AGPAT4: variants seen among roughly 807,000 people sequenced by gnomAD.
AGPAT4 encodes the protein 1-acyl-sn-glycerol-3-phosphate acyltransferase delta.
A neutral mutation model predicts 48.0 loss-of-function variants in AGPAT4; 15 were observed. The observed-to-expected ratio is 0.31, with a 90% CI of 0.21 to 0.48. The LOEUF (loss-of-function observed/expected upper bound fraction) is 0.48, where lower values mean the gene tolerates loss of function less well. Ranked by LOEUF, AGPAT4 falls within the 20% of genes least tolerant of loss-of-function variation. AGPAT4 has a pLI of 0.99. For synonymous variants in AGPAT4, 178 were observed against 198.7 expected (o/e 0.90, Z 0.88); for missense variants, 314 against 482.5 (o/e 0.65, Z 3.27).
In AGPAT4 at chr6:161,226,315, C is replaced by G. The variant is rs1191105519; in HGVS notation, c.178+5721G>C. On this transcript the variant is annotated intron_variant, in intron 2 of 8. Coordinates refer to ENST00000320285, the MANE Select transcript of AGPAT4 (RefSeq NM_020133.3). The surrounding 1 kb of genome is among the most constrained non-coding windows in gnomAD (Gnocchi z 6.3). ...CTGTTTGGAACTCAAAGAGTGAAAA[C>G]TCCTGCTTAGATTGAATTGAAATGA... 6.6e-6 allele frequency among the ~76,000 whole-genome samples: 1 copy of G among 152,194 alleles called. No individual in the cohort carries two copies. Among genetic ancestry groups the G allele is most frequent in the African/African-American group, 2.4e-5 (1 of 41,438 alleles).
intron 1 of AGPAT4, among the ~76,000 whole-genome samples, chr6:161,252,083 GT>G (rs1245224319): frequency 2.0e-5 from 3 of 152,150 alleles, no homozygotes; most frequent in Non-Finnish European, 4.4e-5. Flanking sequence ...TGGGTTAATG[GT>G]TATAACTCAA....
At position 161,220,026 on chromosome 6, in the gene AGPAT4, C is replaced by T. The variant is rs147675692; in HGVS notation, c.178+12010G>A. Among the ~76,000 whole-genome samples, 173 of 152,184 alleles carry T rather than the reference C, an allele frequency of 1.1e-3. 2 individuals are homozygous for T. In the Middle Eastern group the frequency reaches 0.031, roughly 27 times the overall value. ...GGATTATTACTCAAAATACACAAGG[C>T]TTGCTATCACAGTTACATTATTCCT... On this transcript the variant is annotated intron_variant, in intron 2 of 8. Coordinates refer to ENST00000320285, the MANE Select transcript of AGPAT4 (RefSeq NM_020133.3). The surrounding 1 kb of genome is among the most constrained non-coding windows in gnomAD (Gnocchi z 6.0).
chr6:161,150,732 T>C (rs1185815722), intron 5 of AGPAT4, among the ~76,000 whole-genome samples: 1 of 152,168 alleles, frequency 6.6e-6, no homozygotes, highest in East Asian at 1.9e-4. Flanking sequence ...AGTAGCTGCC[T>C]GGTCAGGGTG....
At chr6:161,194,619 C>CATGTGTGTATGTGTATGTGTGTATGTGT (rs562245885) in intron 2 of AGPAT4, among the ~76,000 whole-genome samples, 1 of 148,540 alleles carries the variant, frequency 6.7e-6, no homozygotes, top group East Asian at 1.9e-4. Context: ...TGTATGTGTA[C>CATGTGTGTATGTGTATGTGTGTATGTGT]ATGTGTGTAT....
At position 161,154,837 on chromosome 6, in the gene AGPAT4, G is replaced by T. The variant is rs1334405822; in HGVS notation, c.349-527C>A. 6.6e-6 allele frequency among the ~76,000 whole-genome samples: 1 copy of T among 152,222 alleles called. No individual in the cohort carries two copies. The highest frequency in any genetic ancestry group is 1.5e-5 in the Non-Finnish European group (1 of 68,044). ...TTAACATCCTTCTTGAACAGTGGTT[G>T]GCCAAAGATTCATTTGAATCCGATT... On this transcript the variant is annotated intron_variant, in intron 3 of 8. Coordinates refer to ENST00000320285, the MANE Select transcript of AGPAT4 (RefSeq NM_020133.3). The surrounding 1 kb of genome is among the most constrained non-coding windows in gnomAD (Gnocchi z 7.8).
In AGPAT4 at chr6:161,161,772, C is replaced by T; in HGVS notation, c.348+4476G>A. The T allele has an allele frequency of 3.2e-6, 1 of 315,512 alleles. No individual in the cohort carries two copies. The highest frequency in any genetic ancestry group is 2.8e-5 in the South Asian group (1 of 35,520). 19.5% of individuals were successfully genotyped at this position (315,512 alleles called of 1,614,324 possible). ...TCCTAGAGAAACCACACACAATCAA[C>T]ACTCACTGGACACGTATTTTGAAGG... is the stretch of plus-strand genomic sequence containing the variant. On this transcript the variant is annotated intron_variant, in intron 3 of 8. Coordinates refer to ENST00000320285, the MANE Select transcript of AGPAT4 (RefSeq NM_020133.3). The surrounding 1 kb of genome is among the most constrained non-coding windows in gnomAD (Gnocchi z 4.6).
chr6:161,183,929 C>A (rs907313234), intron 2 of AGPAT4, among the ~76,000 whole-genome samples: 2 of 151,056 alleles, frequency 1.3e-5, no homozygotes, highest in African/African-American at 2.4e-5. Flanking sequence ...TGGGCAAGGA[C>A]GAAGGGAAGG....
intron 2 of AGPAT4, among the ~76,000 whole-genome samples, chr6:161,181,503 CAG>C (rs1482506917): frequency 0.011 from 1,342 of 126,162 alleles, 58 homozygotes; most frequent in African/African-American, 0.038. Flanking sequence ...GTGGGGGTAG[CAG>C]GGGGCGGGGG....
chr6:161,263,601 A>C (rs1338496160), intron 1 of AGPAT4, among the ~76,000 whole-genome samples: 3 of 152,210 alleles, frequency 2.0e-5, no homozygotes, highest in Non-Finnish European at 2.9e-5. Context: ...GAATATAAAT[A>C]ATTAAAAGAA....
intron 5 of AGPAT4, among the ~76,000 whole-genome samples, chr6:161,151,854 G>A (rs1779600152): frequency 1.3e-5 from 2 of 152,204 alleles, no homozygotes; most frequent in Non-Finnish European, 2.9e-5. Context: ...GAGCAATGGG[G>A]GCATCCTTGG....
In AGPAT4 at chr6:161,130,727, A is replaced by C. The variant is rs1263271886; in HGVS notation, c.*5813T>G. On this transcript the variant is annotated 3_prime_UTR_variant, in exon 9 of 9. Transcript: ENST00000320285. ...CCTTGCTGTGTTTGCCTCAGATGCG[A>C]GTAAGGAAGCTCCAGTTGTAGCCTT... 3 of 413,798 alleles carry C rather than the reference A, an allele frequency of 7.2e-6. No individual in the cohort carries two copies. The East Asian group carries it at 1.8e-4, about 24-fold the overall frequency. The allele number at this position is 413,798 out of a possible 1,614,324, so 25.6% of individuals were successfully genotyped here.
intron 2 of AGPAT4, among the ~76,000 whole-genome samples, chr6:161,209,314 C>T (rs1284035523): frequency 6.6e-6 from 1 of 152,206 alleles, no homozygotes; most frequent in Non-Finnish European, 1.5e-5. Context: ...TCACCAACAG[C>T]TGTGACACTG....
At position 161,182,239 on chromosome 6, in the gene AGPAT4, C is replaced by T. The variant is rs370197436; in HGVS notation, c.179-15822G>A. On this transcript the variant is annotated intron_variant, in intron 2 of 8. Coordinates refer to ENST00000320285, the MANE Select transcript of AGPAT4 (RefSeq NM_020133.3). ...GCCTCTCACCCTATCCCCTCATCCC[C>T]GCACCTCATCCCAGCCTCTCACCCT... Among the ~76,000 whole-genome samples, 92 of 114,704 alleles carry T rather than the reference C, an allele frequency of 8.0e-4. 1 individual carries two copies. In the East Asian group the frequency reaches 0.024, roughly 29 times the overall value. The allele number at this position is 114,704 out of a possible 152,430, so 75.3% of individuals were successfully genotyped here.
At chr6:161,265,156 G>T (rs369511433) in intron 1 of AGPAT4, among the ~76,000 whole-genome samples, 2 of 144,890 alleles carry the variant, frequency 1.4e-5, no homozygotes, top group South Asian at 4.7e-4. Flanking sequence ...CCCACCGCTG[G>T]ACTGGGTGCT....
chr6:161,154,431 TC>T lies in AGPAT4; in HGVS notation c.349-122del. On this transcript the variant is annotated intron_variant, in intron 3 of 8. Transcript: ENST00000320285. This position sits in a 1 kb window ranked among gnomAD's most constrained non-coding sequence, Gnocchi z 7.8. ...GTTCACACCAGACGCCTCGGGACAGTCCCAGAACACATGCTGTCGAGGCCAT... is the reference window on the plus strand; with the variant it reads ...GTTCACACCAGACGCCTCGGGACAGTCCAGAACACATGCTGTCGAGGCCAT... 1 of 1,130,224 alleles carries T rather than the reference TC, an allele frequency of 8.8e-7. No homozygotes were observed. The highest frequency in any genetic ancestry group is 1.2e-6 in the Non-Finnish European group (1 of 803,082). 70.0% of individuals were successfully genotyped at this position (1,130,224 alleles called of 1,614,324 possible).
intron 3 of AGPAT4, among the ~76,000 whole-genome samples, chr6:161,163,589 G>A (rs928672149): frequency 1.3e-5 from 2 of 152,164 alleles, no homozygotes; most frequent in Non-Finnish European, 2.9e-5. Context: ...TCCCTGGGAG[G>A]GTACAGGCTG....
chr6:161,229,459 C>A lies in AGPAT4; in HGVS notation c.178+2577G>T, dbSNP rs373672749. On this transcript the variant is annotated intron_variant, in intron 2 of 8. Coordinates refer to ENST00000320285, the MANE Select transcript of AGPAT4 (RefSeq NM_020133.3). The surrounding 1 kb of genome is among the most constrained non-coding windows in gnomAD (Gnocchi z 6.0). ...CTCCTCTGGCTGATCAGTGGCCCAG[C>A]AAGGCTTCCTAAACACTCTTTTTAC... Among the ~76,000 whole-genome samples, 20 of 152,252 alleles carry A rather than the reference C, an allele frequency of 1.3e-4. 1 individual carries two copies. The highest frequency in any genetic ancestry group is 4.3e-4 in the African/African-American group (18 of 41,548).
intron 2 of AGPAT4, among the ~76,000 whole-genome samples, chr6:161,207,453 G>A (rs573712384): frequency 2.0e-5 from 3 of 152,278 alleles, no homozygotes; most frequent in East Asian, 3.9e-4. Flanking sequence ...CTATAAAGCT[G>A]GGTGAACACA....
chr6:161,189,495 CACTT>C lies in AGPAT4; in HGVS notation c.179-23082_179-23079del, dbSNP rs1388596574. 6.6e-6 allele frequency among the ~76,000 whole-genome samples: 1 copy of C among 152,200 alleles called. No homozygotes were observed. Among genetic ancestry groups the C allele is most frequent in the African/African-American group, 2.4e-5 (1 of 41,446 alleles). On this transcript the variant is annotated intron_variant, in intron 2 of 8. Transcript: ENST00000320285. This position sits in a 1 kb window ranked among gnomAD's most constrained non-coding sequence, Gnocchi z 5.3. ...AGTGAGGCTCGTCACATGCGGAATTCACTTACTTACAACCTTAGTTGCCCGTCAG... is the reference window on the plus strand; with the variant it reads ...AGTGAGGCTCGTCACATGCGGAATTCACTTACAACCTTAGTTGCCCGTCAG...
Sources: gnomAD v4.1 joint callset for allele counts (sites outside exome capture counted in the v4.1 genomes callset) on GRCh38, gnomAD v4.1.1 for gene constraint, Gnocchi (gnomAD v3.1) non-coding constraint, MANE v1.5 for transcripts, NCBI Gene and HGNC (gene_info 2026-07-23, HGNC 2026-07-21) for gene names.